Variants in SLC35E3 observed in about 807,000 individuals in gnomAD.
The protein encoded by SLC35E3 is solute carrier family 35 member E3.
A neutral mutation model predicts 30.8 loss-of-function variants in SLC35E3; 28 were observed. That is an observed-to-expected ratio of 0.91 (90% CI 0.67 to 1.25). The LOEUF (loss-of-function observed/expected upper bound fraction) is 1.25. Ranked by LOEUF, SLC35E3 falls within the 50% of genes most tolerant of loss-of-function variation. SLC35E3 has a pLI of 0.00. For synonymous variants in SLC35E3, 146 were observed against 149.2 expected (o/e 0.98, Z 0.16); for missense variants, 365 against 375.4 (o/e 0.97, Z 0.23).
intron 4 of SLC35E3, among the ~76,000 whole-genome samples, chr12:68,760,811 T>C (rs1296752227): frequency 6.6e-6 from 1 of 152,232 alleles, no homozygotes; most frequent in Non-Finnish European, 1.5e-5. Flanking sequence ...GCTTGAATTC[T>C]GGTGAGGAAG....
chr12:68,747,266 C>CTTTTTTTTTTTTTTTTTTTTTTT (rs201303961), intron 1 of SLC35E3, among the ~76,000 whole-genome samples: 4 of 143,804 alleles, frequency 2.8e-5, no homozygotes, highest in Non-Finnish European at 4.6e-5. Flanking sequence ...AGGTCTTTTT[C>CTTTTTTTTTTTTTTTTTTTTTTT]TTTTTTTTTT....
chr12:68,779,879 G>A lies in SLC35E3; in HGVS notation c.*14989G>A, dbSNP rs1159164887. ...CTGAGCCCAGGAGTTTGAGGTTATAGTGAGCCATGACTGTGCCACTGCACT... is the reference window on the plus strand; with the variant it reads ...CTGAGCCCAGGAGTTTGAGGTTATAATGAGCCATGACTGTGCCACTGCACT... On this transcript the variant is annotated 3_prime_UTR_variant, in exon 5 of 5. Transcript: ENST00000398004. 6.6e-6 allele frequency: 1 copy of A among 152,164 alleles called. No individual in the cohort carries two copies. The highest frequency in any genetic ancestry group is 1.5e-5 in the Non-Finnish European group (1 of 68,064). 9.4% of individuals were successfully genotyped at this position (152,164 alleles called of 1,614,324 possible). A position where few individuals can be genotyped will look rare whatever the true frequency, so the allele number is the denominator to read the frequency against.
chr12:68,760,896 C>T (rs767404091), intron 4 of SLC35E3, among the ~76,000 whole-genome samples: 2 of 151,994 alleles, frequency 1.3e-5, no homozygotes, highest in Non-Finnish European at 2.9e-5. Context: ...AAAAATAAAG[C>T]GGGGAAGAGA....
At chr12:68,748,155 A>C (rs74103032) in intron 2 of SLC35E3, 115 bp downstream of exon 2, 9,902 of 631,544 alleles carry the variant, frequency 0.016, 723 homozygotes, top group African/African-American at 0.16. Flanking sequence ...GGAAGAAAGC[A>C]TAATTGCATA....
chr12:68,760,215 G>A (rs1280237153), intron 4 of SLC35E3: 1 of 152,102 alleles, frequency 6.6e-6, no homozygotes, highest in Non-Finnish European at 1.5e-5. Flanking sequence ...ATATGTTAAA[G>A]GTCAAATTCA....
At chr12:68,757,482 T>C (rs932485016) in intron 3 of SLC35E3, among the ~76,000 whole-genome samples, 1 of 152,242 alleles carries the variant, frequency 6.6e-6, no homozygotes, top group Non-Finnish European at 1.5e-5. Flanking sequence ...AACAGAACTT[T>C]GTATGTGTAT....
In SLC35E3 at chr12:68,763,484, G is replaced by A. The variant is rs542064477; in HGVS notation, c.756-1220G>A. Among the ~76,000 whole-genome samples, 17 of 152,132 alleles carry A rather than the reference G, an allele frequency of 1.1e-4. No individual in the cohort carries two copies. The South Asian group carries it at 3.5e-3, about 32-fold the overall frequency. ...GGCTCACTGCAACCTCCGCCTCCCAGGTTCAAGCGATTCTCCTGCCTCAGC... is the reference window on the plus strand; with the variant it reads ...GGCTCACTGCAACCTCCGCCTCCCAAGTTCAAGCGATTCTCCTGCCTCAGC... On this transcript the variant is annotated intron_variant, in intron 4 of 4. Transcript: ENST00000398004.
intron 4 of SLC35E3, among the ~76,000 whole-genome samples, chr12:68,759,602 G>T (rs1017394881): frequency 1.3e-5 from 2 of 152,024 alleles, no homozygotes; most frequent in Non-Finnish European, 2.9e-5. Flanking sequence ...TACTCAGGAG[G>T]CTGAGGCACA....
intron 3 of SLC35E3, 65 bp from the exon 4 acceptor site, chr12:68,759,092 G>A: frequency 8.9e-7 from 1 of 1,122,040 alleles, no homozygotes; most frequent in South Asian, 1.3e-5. Flanking sequence ...CGAATGAAAT[G>A]TATCTTTGCT....
chr12:68,754,096 C>T (rs979147292), intron 3 of SLC35E3, among the ~76,000 whole-genome samples: 3 of 152,218 alleles, frequency 2.0e-5, no homozygotes, highest in Non-Finnish European at 4.4e-5. Context: ...CCACCCGCCT[C>T]GGCCTCCCAA....
At position 68,764,939 on chromosome 12, in the gene SLC35E3, T is replaced by C; in HGVS notation, c.*49T>C. On this transcript the variant is annotated 3_prime_UTR_variant, in exon 5 of 5. Transcript: ENST00000398004. ...TGTTGTCCCAAGAAGATAAAAAATA[T>C]TGTTAAGTGTGCAAGTTATTAAAAA... 2 of 1,576,562 alleles carry C rather than the reference T, an allele frequency of 1.3e-6. No individual in the cohort carries two copies. Among genetic ancestry groups the C allele is most frequent in the Non-Finnish European group, 1.7e-6 (2 of 1,157,888 alleles).
At chr12:68,747,266 CTT>C (rs201303961) in intron 1 of SLC35E3, among the ~76,000 whole-genome samples, 2 of 143,772 alleles carry the variant, frequency 1.4e-5, no homozygotes, top group Non-Finnish European at 3.0e-5. Context: ...AGGTCTTTTT[CTT>C]TTTTTTTTTT....
intron 2 of SLC35E3, among the ~76,000 whole-genome samples, chr12:68,748,459 C>G (rs1041789942): frequency 1.2e-4 from 19 of 152,008 alleles, no homozygotes; most frequent in African/African-American, 4.1e-4. Flanking sequence ...GTTTTTGCCT[C>G]AAAAATTATA....
chr12:68,757,009 C>CAAAT (rs888116781), intron 3 of SLC35E3, among the ~76,000 whole-genome samples: 9 of 152,086 alleles, frequency 5.9e-5, no homozygotes, highest in East Asian at 3.9e-4. Context: ...AGTGAGACTC[C>CAAAT]AAATAAATAA....
chr12:68,758,215 T>A (rs1879100671), intron 3 of SLC35E3, among the ~76,000 whole-genome samples: 1 of 148,598 alleles, frequency 6.7e-6, no homozygotes, highest in South Asian at 2.1e-4. Context: ...AGGTCAGGAG[T>A]TCAAGACCAG....
chr12:68,759,446 G>A (rs1325353255), intron 4 of SLC35E3, among the ~76,000 whole-genome samples: 2 of 152,180 alleles, frequency 1.3e-5, no homozygotes, highest in Non-Finnish European at 2.9e-5. Flanking sequence ...GCTCACACCT[G>A]TAATCCCAAC....
At chr12:68,755,042 G>A (rs1179539387) in intron 3 of SLC35E3, among the ~76,000 whole-genome samples, 1 of 152,160 alleles carries the variant, frequency 6.6e-6, no homozygotes, top group Non-Finnish European at 1.5e-5. Flanking sequence ...TGGGTTCTTG[G>A]TGAAGGCTCT....
Position 68,769,788 on chromosome 12 carries a change from CA to C in SLC35E3, c.*4903del, listed in dbSNP as rs1245194512. The C allele has an allele frequency of 2.0e-5, 3 of 152,178 alleles. No individual in the cohort carries two copies. Among genetic ancestry groups the C allele is most frequent in the Non-Finnish European group, 4.4e-5 (3 of 68,048 alleles). The allele number at this position is 152,178 out of a possible 1,614,324, so 9.4% of individuals were successfully genotyped here. ...TATAATGATAATTGCATTCATTCAA[CA>C]AAAATTTATTGAGCATATACTGTGT... is the stretch of plus-strand genomic sequence containing the variant. On this transcript the variant is annotated 3_prime_UTR_variant, in exon 5 of 5. Coordinates refer to ENST00000398004, the MANE Select transcript of SLC35E3 (RefSeq NM_018656.5).
intron 2 of SLC35E3, 111 bp from the exon 3 acceptor site, chr12:68,751,921 T>A: frequency 1.0e-6 from 1 of 990,334 alleles, no homozygotes; most frequent in Non-Finnish European, 1.4e-6. Context: ...ACATTTTATC[T>A]TCCCCTAGTC....
Sources: allele counts gnomAD v4.1 joint callset (sites outside exome capture counted in the v4.1 genomes callset), GRCh38; gene constraint gnomAD v4.1.1; transcripts MANE v1.5; gene names NCBI Gene and HGNC (gene_info 2026-07-23, HGNC 2026-07-21).